Variants in CLIP1 observed in about 807,000 individuals in gnomAD.
CLIP1 encodes the protein CAP-Gly domain-containing linker protein 1.
Under a neutral mutation model 161.6 loss-of-function variants are expected in CLIP1, and 66 were observed. The observed-to-expected ratio is 0.41, with a 90% CI of 0.33 to 0.50. The LOEUF is 0.50. Ranked by LOEUF, CLIP1 falls within the 20% of genes least tolerant of loss-of-function variation. The probability of loss-of-function intolerance (pLI) is 0.27; values close to 1 mark genes in which losing one functional copy is unlikely to be tolerated. For synonymous variants in CLIP1, 598 were observed against 626.2 expected (o/e 0.96, Z 0.67); for missense variants, 1,376 against 1,702.0 (o/e 0.81, Z 3.37).
intron 4 of CLIP1, among the ~76,000 whole-genome samples, chr12:122,362,713 T>TAA (rs34046739): frequency 3.7e-4 from 39 of 105,804 alleles, no homozygotes; most frequent in Non-Finnish European, 5.5e-4. Context: ...AAAAATATGA[T>TAA]AAAAAAAAAA....
In CLIP1 at chr12:122,390,279, CATATAT is replaced by C. The variant is rs1179187571; in HGVS notation, c.-106-9727_-106-9722del. On this transcript the variant is annotated intron_variant, in intron 1 of 25. Transcript: ENST00000620786. ...ATATATACACACACATATATATATA[CATATAT>C]ATATATATATATATATATGTATATA... Among the ~76,000 whole-genome samples the C allele has an allele frequency of 9.8e-3, 777 of 79,006 alleles. 8 individuals carry two copies. Among genetic ancestry groups the C allele is most frequent in the South Asian group, 0.047 (99 of 2,114 alleles). The allele number at this position is 79,006 out of a possible 152,430, so 51.8% of individuals were successfully genotyped here.
chr12:122,278,714 C>G (rs560813300), intron 23 of CLIP1, 78 bp downstream of exon 23: 10 of 1,441,266 alleles, frequency 6.9e-6, no homozygotes, highest in Non-Finnish European at 9.3e-6. Flanking sequence ...GAGCTGTCTT[C>G]GAAGAGCATC....
At chr12:122,376,968 A>G (rs1297309597) in intron 3 of CLIP1, among the ~76,000 whole-genome samples, 1 of 151,500 alleles carries the variant, frequency 6.6e-6, no homozygotes, top group African/African-American at 2.4e-5. Flanking sequence ...TCCCTCCAGA[A>G]CAGACTCTGA....
intron 21 of CLIP1, among the ~76,000 whole-genome samples, chr12:122,287,608 C>T (rs999988226): frequency 1.3e-5 from 2 of 152,078 alleles, no homozygotes; most frequent in African/African-American, 4.8e-5. Context: ...AAAAACTGCA[C>T]GTTTTAGAAG....
intron 1 of CLIP1, among the ~76,000 whole-genome samples, chr12:122,413,717 T>C (rs1956627501): frequency 6.6e-6 from 1 of 152,228 alleles, no homozygotes; most frequent in African/African-American, 2.4e-5. Context: ...ATAGGGATTC[T>C]GTAATATGAC....
At position 122,355,013 on chromosome 12, in the gene CLIP1, C is replaced by T; in HGVS notation, c.1203+102G>A. The T allele has an allele frequency of 1.0e-6, 1 of 1,001,022 alleles. No individual in the cohort carries two copies. The highest frequency in any genetic ancestry group is 1.5e-6 in the Non-Finnish European group (1 of 659,752). The allele number at this position is 1,001,022 out of a possible 1,614,324, so 62.0% of individuals were successfully genotyped here. On this transcript the variant is annotated intron_variant, in intron 6 of 25. Coordinates refer to ENST00000620786, the MANE Select transcript of CLIP1 (RefSeq NM_001247997.2). This position sits in a 1 kb window ranked among gnomAD's most constrained non-coding sequence, Gnocchi z 4.1. ...AAGAAATGTACACCCATTTCTTGTG[C>T]TCTCAAGTCTAGCTCCTCGGTGCCA...
chr12:122,306,978 G>C (rs952072017), intron 20 of CLIP1, among the ~76,000 whole-genome samples: 10 of 140,050 alleles, frequency 7.1e-5, no homozygotes, highest in Admixed American at 1.5e-4. Context: ...CTGCCTATCT[G>C]TGTATCCTTG....
chr12:122,312,941 A>G (rs905774151), intron 19 of CLIP1, among the ~76,000 whole-genome samples: 1 of 152,188 alleles, frequency 6.6e-6, no homozygotes, highest in Non-Finnish European at 1.5e-5. Context: ...CTGAGGAATA[A>G]GACTAAGGAA....
At chr12:122,324,242 T>C (rs1178667721) in intron 17 of CLIP1, 2 of 152,660 alleles carry the variant, frequency 1.3e-5, no homozygotes, top group African/African-American at 4.8e-5. Flanking sequence ...TTCTACAAGC[T>C]TGGATAAAAG....
At chr12:122,362,283 A>C (rs1307066287) in intron 4 of CLIP1, among the ~76,000 whole-genome samples, 1 of 151,942 alleles carries the variant, frequency 6.6e-6, no homozygotes, top group Non-Finnish European at 1.5e-5. Flanking sequence ...AATTAAAAAA[A>C]AAAATCTACC....
At chr12:122,357,790 A>G (rs1434096371) in intron 5 of CLIP1, among the ~76,000 whole-genome samples, 1 of 146,696 alleles carries the variant, frequency 6.8e-6, no homozygotes, top group Non-Finnish European at 1.5e-5. Flanking sequence ...CTGCCCGGCT[A>G]GCCGCCCCAT....
chr12:122,385,611 T>C (rs1955222292), intron 1 of CLIP1, among the ~76,000 whole-genome samples: 1 of 152,090 alleles, frequency 6.6e-6, no homozygotes, highest in Admixed American at 6.6e-5. Context: ...GGACTGCCCA[T>C]GTCTATATTT....
In CLIP1 at chr12:122,334,720, TGAGA is replaced by T; in HGVS notation, c.2569-19_2569-16del. ...AACTTTTCTTTCTAAAGAAAAAGAATGAGAGATTCTGAACAGAAAGATTTCAAAT... is the reference window on the plus strand; with the variant it reads ...AACTTTTCTTTCTAAAGAAAAAGAATGATTCTGAACAGAAAGATTTCAAAT... On this transcript the variant is annotated splice_polypyrimidine_tract_variant and intron_variant, in intron 12 of 25. Coordinates refer to ENST00000620786, the MANE Select transcript of CLIP1 (RefSeq NM_001247997.2). 1.3e-6 allele frequency: 2 copies of T among 1,492,624 alleles called. No individual in the cohort carries two copies. Among genetic ancestry groups the T allele is most frequent in the Non-Finnish European group, 1.8e-6 (2 of 1,088,906 alleles). The allele number at this position is 1,492,624 out of a possible 1,614,324, so 92.5% of individuals were successfully genotyped here.
intron 5 of CLIP1, among the ~76,000 whole-genome samples, chr12:122,358,170 G>A (rs1953584687): frequency 6.6e-6 from 1 of 151,720 alleles, no homozygotes; most frequent in Non-Finnish European, 1.5e-5. Context: ...AACATGTGCT[G>A]TGTCCACTCA....
chr12:122,316,795 G>A lies in CLIP1; in HGVS notation c.3427C>T (p.Leu1143Phe), dbSNP rs1951290255. 1.9e-6 allele frequency: 3 copies of A among 1,594,108 alleles called. No individual in the cohort carries two copies. The highest frequency in any genetic ancestry group is 2.6e-6 in the Non-Finnish European group (3 of 1,172,074). Residue 1143 changes from leucine to phenylalanine, a missense_variant, in exon 19 of 26, where the codon CTC becomes TTC. Physicochemically the swap from Leu to Phe is conservative, Grantham distance 22. Coordinates refer to ENST00000620786, the MANE Select transcript of CLIP1 (RefSeq NM_001247997.2). ...ATTTTTTGATTCTCTACAGTCAGGA[G>A]TTCTTTTGATTTGTTCAGCTCTTCC... ...NVEELNKSKE[L>F]LTVENQKMEE...
At chr12:122,282,426 C>T (rs1228167354) in intron 21 of CLIP1, among the ~76,000 whole-genome samples, 2 of 152,194 alleles carry the variant, frequency 1.3e-5, no homozygotes, top group African/African-American at 4.8e-5. Context: ...AAATCTTTCT[C>T]TCTCCATCTC....
In CLIP1 at chr12:122,377,577, C is replaced by T. The variant is rs1479201417; in HGVS notation, c.469G>A (p.Val157Met). 5.0e-6 allele frequency: 8 copies of T among 1,613,820 alleles called. No homozygotes were observed. The highest frequency in any genetic ancestry group is 1.3e-5 in the African/African-American group (1 of 74,866). The change falls in exon 3 of 26, where the codon GTG becomes ATG. Residue 157 changes from valine to methionine, a missense_variant. By Grantham distance (21) the Val-to-Met change is conservative (BLOSUM62 1). Around this residue, in one of 6 missense-constraint regions of CLIP1, gnomAD observed 119 missense variants for 112.0 expected, o/e 1.06. Transcript: ENST00000620786. ...SPLCTSTASM[V>M]SSSPSTPSNI... ...GAAGGGGTGGAGGGGGAGGAAGACA[C>T]CATGCTGGCCGTAGAAGTGCACAGC...
chr12:122,330,913 A>T (rs1048601801), intron 15 of CLIP1, among the ~76,000 whole-genome samples: 1 of 151,672 alleles, frequency 6.6e-6, no homozygotes, highest in Non-Finnish European at 1.5e-5. Flanking sequence ...CAATGTAGTT[A>T]TTAAGAGCAG....
In CLIP1 at chr12:122,328,316, G is replaced by A; in HGVS notation, c.2978C>T (p.Ala993Val). ...CTTTTCTTCCTCATGCTTTTTAGCT[G>A]CTTCTTGCTGGCTCTGTTCAGCTTT... ...TVKAEQSQQE[A>V]AKKHEEEKKE... Residue 993 changes from alanine to valine, a missense_variant, in exon 16 of 26, where the codon GCA becomes GTA. Ala to Val is a moderately conservative substitution (Grantham distance 64, BLOSUM62 0). Around this residue, in one of 6 missense-constraint regions of CLIP1, gnomAD observed 948 missense variants for 1,134.8 expected, o/e 0.84. Coordinates refer to ENST00000620786, the MANE Select transcript of CLIP1 (RefSeq NM_001247997.2). The A allele has an allele frequency of 6.2e-7, 1 of 1,613,990 alleles. No homozygotes were observed. Among genetic ancestry groups the A allele is most frequent in the Non-Finnish European group, 8.5e-7 (1 of 1,179,998 alleles).
Sources: allele counts gnomAD v4.1 joint callset (sites outside exome capture counted in the v4.1 genomes callset), GRCh38; gene constraint gnomAD v4.1.1; regional missense constraint gnomAD v4.1.1; non-coding constraint Gnocchi (gnomAD v3.1); transcripts MANE v1.5; gene names NCBI Gene and HGNC (gene_info 2026-07-23, HGNC 2026-07-21).